The following RFK variants were observed in gnomAD, a reference collection of about 807,000 sequenced individuals.
The protein encoded by RFK is riboflavin kinase, also known as 0610038L10Rik.
In RFK, 4 loss-of-function variants were observed where a neutral mutation model predicts 17.6. That is an observed-to-expected ratio of 0.23 (90% CI 0.11 to 0.52). The LOEUF is 0.52. Among genes scored for constraint, RFK ranks in the 20% least tolerant of loss-of-function variants. The pLI is 0.96. For synonymous variants in RFK, 59 were observed against 63.8 expected (o/e 0.92, Z 0.36); for missense variants, 189 against 187.7 (o/e 1.01, Z -0.04).
chr9:76,390,026 T>C (rs1822796915), intron 2 of RFK, among the ~76,000 whole-genome samples: 1 of 152,172 alleles, frequency 6.6e-6, no homozygotes, highest in Non-Finnish European at 1.5e-5. Context: ...TCAAGACCTA[T>C]GATAAGACAA....
chr9:76,393,976 T>G, intron 1 of RFK, 114 bp downstream of exon 1: 1 of 933,930 alleles, frequency 1.1e-6, no homozygotes. Flanking sequence ...AGGAAGGGTG[T>G]GCTCTCTGCC....
Position 76,386,996 on chromosome 9 carries a change from T to G in RFK, c.*403A>C, listed in dbSNP as rs1822742822. Reference sequence around the variant, plus strand: ...GGATTACCGGTGTGAGCCACTGCACTTGGCCTTAATGCATTTACTTTTATA... The same window carrying G: ...GGATTACCGGTGTGAGCCACTGCACGTGGCCTTAATGCATTTACTTTTATA... On this transcript the variant is annotated 3_prime_UTR_variant, in exon 4 of 4. Coordinates refer to ENST00000376736, the MANE Select transcript of RFK (RefSeq NM_018339.6). 1 of 155,752 alleles carries G rather than the reference T, an allele frequency of 6.4e-6. No homozygotes were observed. The highest frequency in any genetic ancestry group is 2.4e-5 in the African/African-American group (1 of 41,468). 9.6% of individuals were successfully genotyped at this position (155,752 alleles called of 1,614,324 possible).
intron 3 of RFK, 25 bp downstream of exon 3, chr9:76,388,529 T>C (rs1292965476): frequency 7.1e-7 from 1 of 1,404,854 alleles, no homozygotes; most frequent in Non-Finnish European, 1.0e-6. Flanking sequence ...TAGTAGTATT[T>C]AAGAAGATCA....
chr9:76,385,772 AACAAAC>A lies in RFK; in HGVS notation c.*1621_*1626del, dbSNP rs1822721283. 1 of 152,212 alleles carries A rather than the reference AACAAAC, an allele frequency of 6.6e-6. No individual in the cohort carries two copies. The highest frequency in any genetic ancestry group is 2.1e-4 in the South Asian group (1 of 4,832). 9.4% of individuals were successfully genotyped at this position (152,212 alleles called of 1,614,324 possible). On this transcript the variant is annotated 3_prime_UTR_variant, in exon 4 of 4. Transcript: ENST00000376736. ...ATTTAGCAGCAAGTTAGTCAGACAA[AACAAAC>A]ACAAATATTTTCACATTTCCTATGT...
intron 2 of RFK, 141 bp from the exon 3 acceptor site, chr9:76,388,797 A>C: frequency 1.8e-6 from 1 of 553,014 alleles, no homozygotes; most frequent in Non-Finnish European, 3.1e-6. Context: ...GTTAAAATCT[A>C]AGTGCAGTTT....
intron 2 of RFK, among the ~76,000 whole-genome samples, chr9:76,392,184 T>C (rs1407477621): frequency 2.0e-5 from 3 of 152,096 alleles, no homozygotes; most frequent in African/African-American, 7.2e-5. Flanking sequence ...GACATAAAAG[T>C]TATAAGGCAT....
chr9:76,386,695 TACAATAATG>T lies in RFK; in HGVS notation c.*695_*703del. On this transcript the variant is annotated 3_prime_UTR_variant, in exon 4 of 4. Coordinates refer to ENST00000376736, the MANE Select transcript of RFK (RefSeq NM_018339.6). ...AGGACTCAGAATTGAAGCAGCTCTA[TACAATAATG>T]AAGGTGGTACAATGATGTGACTGCA... The T allele has an allele frequency of 6.6e-6, 1 of 152,272 alleles. No homozygotes were observed. Among genetic ancestry groups the T allele is most frequent in the Middle Eastern group, 3.4e-3 (1 of 294 alleles). The allele number at this position is 152,272 out of a possible 1,614,324, so 9.4% of individuals were successfully genotyped here.
chr9:76,387,501 A>G lies in RFK; in HGVS notation c.366T>C (p.Asp122=), dbSNP rs1646204205. The G allele has an allele frequency of 6.2e-7, 1 of 1,611,182 alleles. No individual in the cohort carries two copies. Among genetic ancestry groups the G allele is most frequent in the Admixed American group, 1.7e-5 (1 of 59,932 alleles). ...LESLISAIQG[D]IEEAKKRLEL... ...CTAGTCGTTTCTTAGCTTCTTCAAT[A>G]TCACCTTGAATTGCTGAAATAAGTG... is the stretch of plus-strand genomic sequence containing the variant. The change falls in exon 4 of 4, where the codon GAT becomes GAC. Residue 122 remains aspartate (D), a synonymous_variant. Coordinates refer to ENST00000376736, the MANE Select transcript of RFK (RefSeq NM_018339.6).
At position 76,394,151 on chromosome 9, in the gene RFK, G is replaced by T. The variant is rs777573559; in HGVS notation, c.21C>A (p.Phe7Leu). The T allele has an allele frequency of 6.2e-7, 1 of 1,608,640 alleles. No individual in the cohort carries two copies. Among genetic ancestry groups the T allele is most frequent in the South Asian group, 1.1e-5 (1 of 89,970 alleles). Residue 7 changes from phenylalanine to leucine, a missense_variant, in exon 1 of 4, where the codon TTC becomes TTA. Coordinates refer to ENST00000376736, the MANE Select transcript of RFK (RefSeq NM_018339.6). ...AGCCCCGCACCACTTGACCCCGGCA[G>T]AAGTAAGGCAGGTGCCTCATAATGC... The part of the protein sequence containing the change: MRHLPY[F>L]CRGQVVRGFG...
chr9:76,390,390 T>A (rs749341735), intron 2 of RFK, among the ~76,000 whole-genome samples: 3 of 152,048 alleles, frequency 2.0e-5, no homozygotes, highest in African/African-American at 4.8e-5. Context: ...CTGGGCTGGG[T>A]GCCATGCTCA....
Position 76,393,720 on chromosome 9 carries a change from C to A in RFK, c.82+370G>T, listed in dbSNP as rs368958613. 18 of 305,802 alleles carry A rather than the reference C, an allele frequency of 5.9e-5. No homozygotes were observed. In the South Asian group the frequency reaches 6.0e-4, roughly 10 times the overall value. The allele number at this position is 305,802 out of a possible 1,614,324, so 18.9% of individuals were successfully genotyped here. A position where few individuals can be genotyped will look rare whatever the true frequency, so the allele number is the denominator to read the frequency against. ...AAATTAAAAACAAAACCACCTTAGA[C>A]CCGGCTTGCGAGTTCAGCCGTTCTG... On this transcript the variant is annotated intron_variant, in intron 1 of 3. Coordinates refer to ENST00000376736, the MANE Select transcript of RFK (RefSeq NM_018339.6).
chr9:76,392,937 T>C (rs1023789039), intron 1 of RFK, among the ~76,000 whole-genome samples: 2 of 152,126 alleles, frequency 1.3e-5, no homozygotes, highest in African/African-American at 4.8e-5. Flanking sequence ...TTTGTAAAAA[T>C]CACATGCAAG....
At chr9:76,387,710 T>C (rs192916138) in intron 3 of RFK, 181 bp from the exon 4 acceptor site, 13 of 547,154 alleles carry the variant, frequency 2.4e-5, no homozygotes, top group South Asian at 2.3e-4. Flanking sequence ...ACAAAAGATA[T>C]GTCCCTAGGC....
At chr9:76,388,308 G>A (rs1053221402) in intron 3 of RFK, 9 of 594,888 alleles carry the variant, frequency 1.5e-5, no homozygotes, top group South Asian at 6.1e-5. Flanking sequence ...GCTAGACTCC[G>A]TTATTTACTA....
chr9:76,392,283 A>G (rs1018092588), intron 2 of RFK, 135 bp downstream of exon 2: 7 of 808,166 alleles, frequency 8.7e-6, no homozygotes, highest in Middle Eastern at 2.4e-4. Context: ...ATTAAAAGAC[A>G]GAGATTGCCC....
intron 2 of RFK, among the ~76,000 whole-genome samples, chr9:76,390,725 A>C (rs1454207321): frequency 1.5e-5 from 1 of 65,534 alleles, no homozygotes; most frequent in East Asian, 3.4e-4. Context: ...AAAAAAAAAA[A>C]CCACACACAC....
intron 2 of RFK, among the ~76,000 whole-genome samples, chr9:76,390,426 G>T (rs1822803739): frequency 6.6e-6 from 1 of 152,144 alleles, no homozygotes; most frequent in Non-Finnish European, 1.5e-5. Context: ...CACTTTGGGA[G>T]GCTGAGGCAG....
chr9:76,387,622 C>CTGGCAGTATCTCTGCACAGGG lies in RFK; in HGVS notation c.338-114_338-94dup, dbSNP rs577950959. 1,257 of 1,221,090 alleles carry CTGGCAGTATCTCTGCACAGGG rather than the reference C, an allele frequency of 1.0e-3. 27 individuals carry two copies. In the East Asian group the frequency reaches 0.028, roughly 27 times the overall value. 75.6% of individuals were successfully genotyped at this position (1,221,090 alleles called of 1,614,324 possible). On this transcript the variant is annotated intron_variant, in intron 3 of 3. Coordinates refer to ENST00000376736, the MANE Select transcript of RFK (RefSeq NM_018339.6). ...TTAGCCAATCCTAAAAACTCACAGG[C>CTGGCAGTATCTCTGCACAGGG]TGGCAGTATCTCTGCACAGGGTAGA...
rs76023381 is a variant in RFK, at chr9:76,388,570, C to A, written c.321G>T (p.Lys107Asn). Residue 107 changes from lysine to asparagine, a missense_variant, in exon 3 of 4, where the codon AAG (lysine) becomes AAT (asparagine). By Grantham distance (94) the Lys-to-Asn change is moderately conservative. This residue lies in a region of RFK where 95 missense variants were observed against 95.7 expected (regional missense o/e 0.99). Coordinates refer to ENST00000376736, the MANE Select transcript of RFK (RefSeq NM_018339.6). Reference protein sequence around the residue: ...VAIVGYLRPEKNFDSLESLIS... With the variant: ...VAIVGYLRPENNFDSLESLIS... The stretch of plus-strand genomic sequence containing the variant: ...AGAACTTACCTAAAGAATCAAAGTT[C>A]TTTTCTGGTCTCAGGTAGCCAACAA... 1 of 1,606,656 alleles carries A rather than the reference C, an allele frequency of 6.2e-7. No individual in the cohort carries two copies. Among genetic ancestry groups the A allele is most frequent in the Non-Finnish European group, 8.5e-7 (1 of 1,174,046 alleles).
Sources: allele counts gnomAD v4.1 joint callset (sites outside exome capture counted in the v4.1 genomes callset), GRCh38; gene constraint gnomAD v4.1.1; regional missense constraint gnomAD v4.1.1; transcripts MANE v1.5; gene names NCBI Gene and HGNC (gene_info 2026-07-23, HGNC 2026-07-21).